UTRN: variants seen among roughly 807,000 people sequenced by gnomAD.
The protein encoded by UTRN is dystrophin-related protein 1.
In UTRN, 283 loss-of-function variants were observed where a neutral mutation model predicts 463.9. The ratio of observed to expected loss-of-function variants is 0.61; its 90% confidence interval spans 0.55 to 0.67. UTRN has a LOEUF of 0.67. Among genes scored for constraint, UTRN ranks in the 30% least tolerant of loss-of-function variants. The pLI is 0.00. For missense variants in UTRN, 3,922 were observed against 4,084.3 expected (o/e 0.96, Z 1.08); for synonymous variants, 1,442 against 1,431.5 (o/e 1.01, Z -0.17).
Position 144,732,267 on chromosome 6 carries a change from T to TATATAC in UTRN, c.7939+1786_7939+1787insCATATA, listed in dbSNP as rs1554360096. 4.7e-3 allele frequency among the ~76,000 whole-genome samples: 423 copies of TATATAC among 89,612 alleles called. 3 individuals are homozygous for TATATAC. The highest frequency in any genetic ancestry group is 0.025 in the African/African-American group (394 of 16,046). The allele number at this position is 89,612 out of a possible 152,430, so 58.8% of individuals were successfully genotyped here. A position where few individuals can be genotyped will look rare whatever the true frequency, so the allele number is the denominator to read the frequency against. ...ATATATATATATATATACACACATA[T>TATATAC]ATATATATATACACACATATATATA... On this transcript the variant is annotated intron_variant, in intron 54 of 74. Transcript: ENST00000367545.
chr6:144,330,261 AG>A (rs762487071), intron 2 of UTRN, among the ~76,000 whole-genome samples: 1 of 152,218 alleles, frequency 6.6e-6, no homozygotes, highest in Non-Finnish European at 1.5e-5. Flanking sequence ...TGAAGTGAGC[AG>A]AGGGCTGTGG....
chr6:144,286,478 C>A lies in UTRN; in HGVS notation c.-93+657C>A, dbSNP rs1803668893. ...AGCGGCCCTGGAGAGACTGAGGGGA[C>A]AGGAGGAGGGGGGCGCCCCATTGGT... On this transcript the variant is annotated intron_variant, in intron 1 of 74. Coordinates refer to ENST00000367545, the MANE Select transcript of UTRN (RefSeq NM_007124.3). The surrounding 1 kb of genome is among the most constrained non-coding windows in gnomAD (Gnocchi z 4.4). Among the ~76,000 whole-genome samples the A allele has an allele frequency of 6.6e-6, 1 of 152,092 alleles. No individual in the cohort carries two copies. The highest frequency in any genetic ancestry group is 2.4e-5 in the African/African-American group (1 of 41,410).
chr6:144,387,944 GC>G (rs1781554153), intron 2 of UTRN, among the ~76,000 whole-genome samples: 1 of 152,206 alleles, frequency 6.6e-6, no homozygotes, highest in Non-Finnish European at 1.5e-5. Context: ...CCTTGTGTCA[GC>G]CCAGTTTATT....
chr6:144,666,957 G>C (rs1276491664), intron 51 of UTRN, among the ~76,000 whole-genome samples: 2 of 152,222 alleles, frequency 1.3e-5, no homozygotes, highest in South Asian at 2.1e-4. Flanking sequence ...CTGATGTTGC[G>C]TATGCTCTTG....
chr6:144,525,675 T>C (rs1321468891), intron 41 of UTRN, among the ~76,000 whole-genome samples: 1 of 152,100 alleles, frequency 6.6e-6, no homozygotes, highest in Non-Finnish European at 1.5e-5. Flanking sequence ...TTGTTTCATT[T>C]TCATTTAGCT....
chr6:144,329,503 C>A (rs1471496531), intron 2 of UTRN, among the ~76,000 whole-genome samples: 1 of 152,178 alleles, frequency 6.6e-6, no homozygotes, highest in Non-Finnish European at 1.5e-5. Context: ...TCAGTAAGAA[C>A]TTCTAGCATC....
At chr6:144,720,137 G>A (rs1471270735) in intron 53 of UTRN, among the ~76,000 whole-genome samples, 2 of 152,128 alleles carry the variant, frequency 1.3e-5, no homozygotes, top group African/African-American at 2.4e-5. Flanking sequence ...ATCCCATCTC[G>A]GTCAGTGATG....
At chr6:144,813,434 G>T (rs552810526) in intron 65 of UTRN, among the ~76,000 whole-genome samples, 1 of 152,024 alleles carries the variant, frequency 6.6e-6, no homozygotes, top group Non-Finnish European at 1.5e-5. Context: ...TGATCCGCCC[G>T]CCTCGGCCTC....
At position 144,557,188 on chromosome 6, in the gene UTRN, G is replaced by A. The variant is rs1412551004; in HGVS notation, c.7166G>A (p.Gly2389Asp). Residue 2389 changes from glycine to aspartate, a missense_variant, in exon 50 of 75, where the codon GGT (glycine) becomes GAT (aspartate). Physicochemically the swap from Gly to Asp is moderately conservative, Grantham distance 94. Coordinates refer to ENST00000367545, the MANE Select transcript of UTRN (RefSeq NM_007124.3). ...ILLQELGPGD[G>D]IVMAFDNVLQ... ...CTTCAAGAACTGGGTCCTGGAGATGGTATCGTCATGGCGTTCGATAACGTC... is the reference window on the plus strand; with the variant it reads ...CTTCAAGAACTGGGTCCTGGAGATGATATCGTCATGGCGTTCGATAACGTC... 5 of 1,613,896 alleles carry A rather than the reference G, an allele frequency of 3.1e-6. No individual in the cohort carries two copies. The highest frequency in any genetic ancestry group is 1.1e-5 in the South Asian group (1 of 91,066).
chr6:144,789,416 CAAGTTA>C, intron 62 of UTRN, 137 bp downstream of exon 62: 1 of 681,490 alleles, frequency 1.5e-6, no homozygotes, highest in Non-Finnish European at 2.3e-6. Flanking sequence ...GTGCCTATAC[CAAGTTA>C]GACAGAGGGT....
intron 50 of UTRN, among the ~76,000 whole-genome samples, chr6:144,570,425 T>C (rs1273129460): frequency 6.6e-6 from 1 of 152,140 alleles, no homozygotes; most frequent in Non-Finnish European, 1.5e-5. Flanking sequence ...AAAACCTGTG[T>C]ATCAGGCAAA....
intron 2 of UTRN, among the ~76,000 whole-genome samples, chr6:144,329,094 T>C (rs983958922): frequency 5.3e-5 from 8 of 150,584 alleles, no homozygotes; most frequent in Non-Finnish European, 1.2e-4. Flanking sequence ...CTTTTTTTTT[T>C]TTTTTTGAGA....
chr6:144,437,892 T>C lies in UTRN; in HGVS notation c.1241+146T>C, dbSNP rs913047453. The C allele has an allele frequency of 8.9e-5, 67 of 756,784 alleles. 1 individual carries two copies. Among genetic ancestry groups the C allele is most frequent in the Non-Finnish European group, 1.2e-4 (60 of 501,990 alleles). The allele number at this position is 756,784 out of a possible 1,614,324, so 46.9% of individuals were successfully genotyped here. A position where few individuals can be genotyped will look rare whatever the true frequency, so the allele number is the denominator to read the frequency against. ...GACTCTTTTCTACGGGTAATATTGC[T>C]GGAATTCTGCATGATCTTTGTTTCC... On this transcript the variant is annotated intron_variant, in intron 11 of 74. Transcript: ENST00000367545.
intron 33 of UTRN, 140 bp from the exon 34 acceptor site, chr6:144,499,117 A>G (rs1292222417): frequency 1.3e-5 from 11 of 824,874 alleles, no homozygotes; most frequent in Non-Finnish European, 1.6e-5. Flanking sequence ...AGAGGATTCT[A>G]AGGTGCTAAG....
intron 2 of UTRN, among the ~76,000 whole-genome samples, chr6:144,394,097 T>G (rs985296398): frequency 2.6e-5 from 4 of 152,222 alleles, no homozygotes; most frequent in Admixed American, 6.5e-5. Context: ...AACTGTATTA[T>G]TGCTGGTCCA....
intron 51 of UTRN, among the ~76,000 whole-genome samples, chr6:144,613,415 T>C (rs1157448812): frequency 6.6e-6 from 1 of 152,050 alleles, no homozygotes; most frequent in Non-Finnish European, 1.5e-5. Context: ...AGCAAGGAGA[T>C]GAATCGGTTA....
At chr6:144,431,640 C>T (rs1785855503) in intron 9 of UTRN, among the ~76,000 whole-genome samples, 1 of 152,164 alleles carries the variant, frequency 6.6e-6, no homozygotes, top group Non-Finnish European at 1.5e-5. Context: ...TAGTGCCTTC[C>T]TTCTCGACCT....
intron 3 of UTRN, among the ~76,000 whole-genome samples, chr6:144,416,127 G>A (rs1316969033): frequency 6.6e-6 from 1 of 151,836 alleles, no homozygotes; most frequent in Non-Finnish European, 1.5e-5. Flanking sequence ...GTTCCTTAAG[G>A]CATTCCTCTT....
At chr6:144,635,504 C>CTTTTTTTTTCTT (rs1562685490) in intron 51 of UTRN, among the ~76,000 whole-genome samples, 9 of 47,994 alleles carry the variant, frequency 1.9e-4, no homozygotes, top group African/African-American at 5.3e-4. Context: ...AGCAGCTAGC[C>CTTTTTTTTTCTT]TTTTTTTTTC....
Sources: gnomAD v4.1 joint callset for allele counts (sites outside exome capture counted in the v4.1 genomes callset) on GRCh38, gnomAD v4.1.1 for gene constraint, Gnocchi (gnomAD v3.1) non-coding constraint, MANE v1.5 for transcripts, NCBI Gene and HGNC (gene_info 2026-07-23, HGNC 2026-07-21) for gene names.